SAMD4A: variants seen among roughly 807,000 people sequenced by gnomAD.
SAMD4A encodes protein Smaug homolog 1.
A neutral mutation model predicts 81.3 loss-of-function variants in SAMD4A; 33 were observed. The ratio of observed to expected loss-of-function variants is 0.41; its 90% confidence interval spans 0.31 to 0.54. The LOEUF (loss-of-function observed/expected upper bound fraction) is 0.54. Among genes scored for constraint, SAMD4A ranks in the 20% least tolerant of loss-of-function variants. The pLI is 0.37. For missense variants in SAMD4A, 854 were observed against 951.1 expected (o/e 0.90, Z 1.34); for synonymous variants, 389 against 382.1 (o/e 1.02, Z -0.21).
At chr14:54,715,907 T>C (rs181929988) in intron 3 of SAMD4A, among the ~76,000 whole-genome samples, 92 of 152,240 alleles carry the variant, frequency 6.0e-4, no homozygotes, top group Admixed American at 1.0e-3. Flanking sequence ...GTCATGGTGA[T>C]GATGAAACTT....
chr14:54,585,347 G>A (rs1594695425), intron 2 of SAMD4A, among the ~76,000 whole-genome samples: 1 of 152,110 alleles, frequency 6.6e-6, no homozygotes, highest in African/African-American at 2.4e-5. Context: ...TTGACCTCAG[G>A]TTATATGCCT....
At chr14:54,706,495 C>G (rs570475210) in intron 3 of SAMD4A, among the ~76,000 whole-genome samples, 1 of 151,226 alleles carries the variant, frequency 6.6e-6, no homozygotes, top group Admixed American at 6.6e-5. Context: ...ATCCCAGCTA[C>G]GCAGAAGGTT....
rs78251992 is a variant in SAMD4A, at chr14:54,709,516, G to A, written c.715+6936G>A. Among the ~76,000 whole-genome samples the A allele has an allele frequency of 7.1e-3, 1,086 of 152,212 alleles. 69 individuals carry two copies. In the East Asian group the frequency reaches 0.16, roughly 22 times the overall value. ...TTTTCTACCATGAGATAAGGGAAGA[G>A]TGGGTTGGGATAGGTTGAAAAATCT... On this transcript the variant is annotated intron_variant, in intron 3 of 12. Transcript: ENST00000554335.
chr14:54,755,928 T>TAC (rs1219771961), intron 6 of SAMD4A, among the ~76,000 whole-genome samples: 2 of 152,028 alleles, frequency 1.3e-5, no homozygotes, highest in Non-Finnish European at 2.9e-5. Flanking sequence ...GAAGGAAATA[T>TAC]ACACACACAC....
At chr14:54,760,641 T>G (rs1300891802) in intron 7 of SAMD4A, 147 bp downstream of exon 7, 3 of 1,308,596 alleles carry the variant, frequency 2.3e-6, no homozygotes, top group Non-Finnish European at 2.9e-6. Flanking sequence ...AAAGTGCAGT[T>G]CAGAGAGGTT....
chr14:54,569,516 C>T (rs572432034), intron 2 of SAMD4A, among the ~76,000 whole-genome samples: 1 of 152,324 alleles, frequency 6.6e-6, no homozygotes, highest in South Asian at 2.1e-4. Flanking sequence ...CACCAGGACT[C>T]ACTGGGGTGG....
At chr14:54,779,285 G>A (rs1489350891) in intron 11 of SAMD4A, among the ~76,000 whole-genome samples, 18 of 152,212 alleles carry the variant, frequency 1.2e-4, no homozygotes, top group Admixed American at 1.2e-3. Context: ...ATCTGTACAT[G>A]AACAGGAGTA....
rs541888832 is a variant in SAMD4A, at chr14:54,765,094, A to G, written c.1596+554A>G. 4.2e-4 allele frequency among the ~76,000 whole-genome samples: 64 copies of G among 152,310 alleles called. 1 individual carries two copies. The South Asian group carries it at 0.013, about 30-fold the overall frequency. ...ACCCTCAGGCACAGTCTTCATATACAGAGTGAGATAGACCCTTTGGCATGG... is the reference window on the plus strand; with the variant it reads ...ACCCTCAGGCACAGTCTTCATATACGGAGTGAGATAGACCCTTTGGCATGG... On this transcript the variant is annotated intron_variant, in intron 8 of 12. Transcript: ENST00000554335.
intron 2 of SAMD4A, among the ~76,000 whole-genome samples, chr14:54,601,085 G>A (rs919887971): frequency 6.6e-6 from 1 of 151,992 alleles, no homozygotes; most frequent in Admixed American, 6.6e-5. Context: ...ATTCCTCTTC[G>A]AGCTCAGCAG....
At chr14:54,566,026 C>G (rs893386745), upstream of SAMD4A, among the ~76,000 whole-genome samples, 21 of 152,234 alleles carry the variant, frequency 1.4e-4, no homozygotes, top group Admixed American at 8.5e-4. Flanking sequence ...CCTCTCCCCC[C>G]GCTCGGGCGC....
chr14:54,645,565 T>C (rs2035269847), intron 2 of SAMD4A, among the ~76,000 whole-genome samples: 1 of 152,242 alleles, frequency 6.6e-6, no homozygotes, highest in Non-Finnish European at 1.5e-5. Flanking sequence ...AATTTATGCA[T>C]ATTGAATTTT....
In SAMD4A at chr14:54,649,875, A is replaced by G. The variant is rs35982002; in HGVS notation, c.197-52187A>G. On this transcript the variant is annotated intron_variant, in intron 2 of 12. Transcript: ENST00000554335. ...AATGTGGGATTTCTATTTACATGTC[A>G]TATTTCATATTTTCCCATTAAAATG... is the stretch of plus-strand genomic sequence containing the variant. Among the ~76,000 whole-genome samples the G allele has an allele frequency of 3.5e-3, 526 of 152,320 alleles. 1 individual carries two copies. Among genetic ancestry groups the G allele is most frequent in the Non-Finnish European group, 5.9e-3 (402 of 68,024 alleles).
intron 8 of SAMD4A, among the ~76,000 whole-genome samples, chr14:54,766,906 C>T (rs1435784446): frequency 6.6e-6 from 1 of 152,130 alleles, no homozygotes; most frequent in Non-Finnish European, 1.5e-5. Flanking sequence ...TGCCTGCCAT[C>T]CTGCATGTCC....
At chr14:54,692,898 G>T (rs1334307751) in intron 2 of SAMD4A, 4 of 121,756 alleles carry the variant, frequency 3.3e-5, no homozygotes, top group African/African-American at 5.9e-5. Context: ...AAAAAAATCA[G>T]ACATATAACA....
intron 2 of SAMD4A, among the ~76,000 whole-genome samples, chr14:54,674,638 T>C (rs2035952397): frequency 6.6e-6 from 1 of 152,226 alleles, no homozygotes; most frequent in South Asian, 2.1e-4. Flanking sequence ...TCTTTAAATG[T>C]CAAAGACATG....
chr14:54,568,079 C>G lies in SAMD4A; in HGVS notation c.163C>G (p.Leu55Val), dbSNP rs772195368. ...GCACTCGCTGGCCGACTGCGCCGAGCTGCACGTCCTCGAACGCGAGGCCAA... is the reference window on the plus strand; with the variant it reads ...GCACTCGCTGGCCGACTGCGCCGAGGTGCACGTCCTCGAACGCGAGGCCAA... ...LEHSLADCAE[L>V]HVLEREANSP... The change falls in exon 2 of 13, where the codon CTG becomes GTG. Residue 55 changes from leucine to valine, a missense_variant. Transcript: ENST00000554335. 9 of 1,575,698 alleles carry G rather than the reference C, an allele frequency of 5.7e-6. No individual in the cohort carries two copies. The highest frequency in any genetic ancestry group is 6.8e-6 in the Non-Finnish European group (8 of 1,168,798).
chr14:54,738,755 C>T (rs139142327), intron 4 of SAMD4A, among the ~76,000 whole-genome samples: 96 of 152,312 alleles, frequency 6.3e-4, no homozygotes, highest in African/African-American at 2.2e-3. Flanking sequence ...ACTGGCTTGG[C>T]ATCTGTCAAT....
intron 2 of SAMD4A, among the ~76,000 whole-genome samples, chr14:54,621,503 C>T (rs2034614652): frequency 6.6e-6 from 1 of 150,598 alleles, no homozygotes; most frequent in Non-Finnish European, 1.5e-5. Context: ...GCGGGCACCA[C>T]CATGCCCAAA....
chr14:54,732,617 C>A (rs777979850), intron 3 of SAMD4A, among the ~76,000 whole-genome samples: 2 of 152,000 alleles, frequency 1.3e-5, no homozygotes. Context: ...CAGAGAAATA[C>A]GCAATGTATC....
Sources: gnomAD v4.1 joint callset for allele counts (sites outside exome capture counted in the v4.1 genomes callset) on GRCh38, gnomAD v4.1.1 for gene constraint, MANE v1.5 for transcripts, NCBI Gene and HGNC (gene_info 2026-07-23, HGNC 2026-07-21) for gene names.